Variants in NAA30 observed in about 807,000 individuals in gnomAD.
NAA30 encodes the protein N-alpha-acetyltransferase 30, NatC catalytic subunit, also known as N-alpha-acetyltransferase 30.
In NAA30, 5 loss-of-function variants were observed where a neutral mutation model predicts 31.4. That is an observed-to-expected ratio of 0.16 (90% CI 0.08 to 0.33). The LOEUF (loss-of-function observed/expected upper bound fraction) is 0.33. Ranked by LOEUF, NAA30 falls within the 10% of genes least tolerant of loss-of-function variation. NAA30 has a pLI of 1.00. For missense variants in NAA30, 428 were observed against 490.8 expected, an observed-to-expected ratio of 0.87 and a Z score of 1.21; for synonymous variants, 222 against 207.1, an observed-to-expected ratio of 1.07 and a Z score of -0.62.
intron 2 of NAA30, among the ~76,000 whole-genome samples, chr14:57,396,377 AT>A (rs375790361): frequency 2.9e-4 from 42 of 147,038 alleles, no homozygotes; most frequent in African/African-American, 7.2e-4. Flanking sequence ...CTTTATAATC[AT>A]TTTTTTTTTG....
rs2066540499 is a variant in NAA30 at position 57,414,888 on chromosome 14, A to G, written c.*5372A>G. On this transcript the variant is annotated 3_prime_UTR_variant, in exon 5 of 5. Coordinates refer to ENST00000556492, the MANE Select transcript of NAA30 (RefSeq NM_001011713.3). ...AGTGTTTAATCTCAATATGAAACAG[A>G]CCTAGAAATAACAAAGACCACTGAA... The G allele has an allele frequency of 6.6e-6, 1 of 152,212 alleles. No individual in the cohort carries two copies. Among genetic ancestry groups the G allele is most frequent in the South Asian group, 2.1e-4 (1 of 4,830 alleles). The allele number at this position is 152,212 out of a possible 1,614,324, so 9.4% of individuals were successfully genotyped here.
At chr14:57,402,239 C>A (rs2066480305) in intron 4 of NAA30, among the ~76,000 whole-genome samples, 1 of 152,154 alleles carries the variant, frequency 6.6e-6, no homozygotes, top group Admixed American at 6.5e-5. Flanking sequence ...TTTCTTGATC[C>A]TTCTGGACAG....
At position 57,414,016 on chromosome 14, in the gene NAA30, GT is replaced by G. The variant is rs2066536169; in HGVS notation, c.*4502del. ...AGCTGAATTTGTAATTTTAATCAAA[GT>G]TAGCCACATGTGGCTTGTGGCTACT... On this transcript the variant is annotated 3_prime_UTR_variant, in exon 5 of 5. Transcript: ENST00000556492. 6.6e-6 allele frequency: 1 copy of G among 152,184 alleles called. No individual in the cohort carries two copies. Among genetic ancestry groups the G allele is most frequent in the African/African-American group, 2.4e-5 (1 of 41,442 alleles). 9.4% of individuals were successfully genotyped at this position (152,184 alleles called of 1,614,324 possible). A position where few individuals can be genotyped will look rare whatever the true frequency, so the allele number is the denominator to read the frequency against.
At chr14:57,403,234 G>GGAA (rs35077944) in intron 4 of NAA30, among the ~76,000 whole-genome samples, 2 of 136,518 alleles carry the variant, frequency 1.5e-5, no homozygotes, top group East Asian at 2.1e-4. Flanking sequence ...TCCGTGGCCG[G>GGAA]AAAAAAAAAA....
intron 4 of NAA30, among the ~76,000 whole-genome samples, chr14:57,404,598 A>G (rs753990286): frequency 1.6e-4 from 25 of 152,184 alleles, no homozygotes; most frequent in Admixed American, 1.4e-3. Flanking sequence ...CCGTTTTCAC[A>G]TTGCTGATAA....
chr14:57,401,769 G>C (rs917974512), intron 4 of NAA30, among the ~76,000 whole-genome samples: 2 of 152,168 alleles, frequency 1.3e-5, no homozygotes, highest in African/African-American at 4.8e-5. Flanking sequence ...ACTGTTCAAA[G>C]GTTTGGATAG....
chr14:57,390,953 C>G lies in NAA30; in HGVS notation c.-1-4C>G. 6.8e-7 allele frequency: 1 copy of G among 1,477,188 alleles called. No individual in the cohort carries two copies. Among genetic ancestry groups the G allele is most frequent in the Non-Finnish European group, 8.9e-7 (1 of 1,119,910 alleles). 91.5% of individuals were successfully genotyped at this position (1,477,188 alleles called of 1,614,324 possible). On this transcript the variant is annotated splice_region_variant and splice_polypyrimidine_tract_variant and intron_variant, in intron 1 of 4. Coordinates refer to ENST00000556492, the MANE Select transcript of NAA30 (RefSeq NM_001011713.3). Reference sequence around the variant, plus strand: ...CCTCCCCTCTCGGTCTGTGTCGCTTCTAGGATGGCGGAGGTACCGCCTGGG... The same window carrying G: ...CCTCCCCTCTCGGTCTGTGTCGCTTGTAGGATGGCGGAGGTACCGCCTGGG...
In NAA30 at chr14:57,391,279, G is replaced by T; in HGVS notation, c.322G>T (p.Val108Leu). ...AASLKSKVLSVAEVAATTATP... is the reference protein window; with the variant it reads ...AASLKSKVLSLAEVAATTATP... The stretch of plus-strand genomic sequence containing the variant: ...CTCCCTCAAGAGCAAGGTCCTGAGC[G>T]TAGCAGAGGTGGCCGCGACCACAGC... Residue 108 changes from valine to leucine, a missense_variant, in exon 2 of 5, where the codon GTA (valine) becomes TTA (leucine). By Grantham distance (32) the Val-to-Leu change is conservative (BLOSUM62 1). Coordinates refer to ENST00000556492, the MANE Select transcript of NAA30 (RefSeq NM_001011713.3). This position sits in a 1 kb window ranked among gnomAD's most constrained non-coding sequence, Gnocchi z 4.1. The T allele has an allele frequency of 6.2e-7, 1 of 1,610,912 alleles. No individual in the cohort carries two copies. Among genetic ancestry groups the T allele is most frequent in the South Asian group, 1.1e-5 (1 of 90,906 alleles).
rs537701221 is a variant in NAA30 at position 57,406,422 on chromosome 14, G to C, written c.952-2957G>C. Among the ~76,000 whole-genome samples the C allele has an allele frequency of 2.6e-5, 4 of 152,288 alleles. No individual in the cohort carries two copies. In the South Asian group the frequency reaches 8.3e-4, roughly 32 times the overall value. On this transcript the variant is annotated intron_variant, in intron 4 of 4. Coordinates refer to ENST00000556492, the MANE Select transcript of NAA30 (RefSeq NM_001011713.3). ...TGCTTTGCTTTACTTTGGGAAATGA[G>C]GGGGAGGTACAGTAGAGTAGTTACT...
chr14:57,408,346 T>G (rs1355766816), intron 4 of NAA30, among the ~76,000 whole-genome samples: 3 of 152,122 alleles, frequency 2.0e-5, no homozygotes, highest in South Asian at 2.1e-4. Context: ...GTTGGGAAGA[T>G]GGGGTAGAGG....
rs1185449012 is a variant in NAA30 at position 57,390,967 on chromosome 14, G to T, written c.10G>T (p.Val4Leu). The T allele has an allele frequency of 5.4e-6, 8 of 1,478,678 alleles. No homozygotes were observed. Among genetic ancestry groups the T allele is most frequent in the Admixed American group, 5.2e-5 (2 of 38,392 alleles). The allele number at this position is 1,478,678 out of a possible 1,614,324, so 91.6% of individuals were successfully genotyped here. The change falls in exon 2 of 5, where the codon GTA (valine) becomes TTA (leucine). Residue 4 changes from valine to leucine, a missense_variant. Transcript: ENST00000556492. ...CTGTGTCGCTTCTAGGATGGCGGAG[G>T]TACCGCCTGGGCCTAGCAGCCTCCT... is the stretch of plus-strand genomic sequence containing the variant. The part of the protein sequence containing the change: MAE[V>L]PPGPSSLLPP...
intron 4 of NAA30, among the ~76,000 whole-genome samples, chr14:57,407,069 G>GT (rs2066501188): frequency 6.6e-6 from 1 of 151,998 alleles, no homozygotes; most frequent in East Asian, 1.9e-4. Flanking sequence ...AATTTTTAAG[G>GT]TTTTTTAGAC....
rs985730483 is a variant in NAA30, at chr14:57,393,073, G to C, written c.771+1345G>C. Among the ~76,000 whole-genome samples, 15 of 152,182 alleles carry C rather than the reference G, an allele frequency of 9.9e-5. No homozygotes were observed. The East Asian group carries it at 2.1e-3, about 21-fold the overall frequency. On this transcript the variant is annotated intron_variant, in intron 2 of 4. Coordinates refer to ENST00000556492, the MANE Select transcript of NAA30 (RefSeq NM_001011713.3). ...TATAAATGTCATATCAAATGCCACT[G>C]TAATTGCTAAAAATTGTAGATTTAG... is the stretch of plus-strand genomic sequence containing the variant.
intron 4 of NAA30, among the ~76,000 whole-genome samples, chr14:57,406,521 A>G (rs1444086921): frequency 1.1e-4 from 16 of 152,194 alleles, no homozygotes; most frequent in Non-Finnish European, 2.9e-5. Flanking sequence ...ATTCATCTGT[A>G]AAATGGATAA....
chr14:57,407,455 A>G (rs914565640), intron 4 of NAA30, among the ~76,000 whole-genome samples: 1 of 152,184 alleles, frequency 6.6e-6, no homozygotes, highest in Non-Finnish European at 1.5e-5. Flanking sequence ...GCTGGGTGAT[A>G]TAAAAGGAAA....
At chr14:57,405,738 G>C (rs1196158579) in intron 4 of NAA30, among the ~76,000 whole-genome samples, 3 of 152,226 alleles carry the variant, frequency 2.0e-5, no homozygotes, top group African/African-American at 7.2e-5. Flanking sequence ...GGAAATAGCA[G>C]TGGAAGGGCT....
chr14:57,398,836 C>T (rs1232594607), intron 3 of NAA30, among the ~76,000 whole-genome samples: 2 of 152,126 alleles, frequency 1.3e-5, no homozygotes, highest in Admixed American at 6.5e-5. Context: ...GGGGTTTCGT[C>T]ATGTTGGCCA....
Position 57,390,967 on chromosome 14 carries a change from G to C in NAA30, c.10G>C (p.Val4Leu). 1 of 1,478,678 alleles carries C rather than the reference G, an allele frequency of 6.8e-7. No individual in the cohort carries two copies. The highest frequency in any genetic ancestry group is 1.4e-5 in the South Asian group (1 of 69,984). The allele number at this position is 1,478,678 out of a possible 1,614,324, so 91.6% of individuals were successfully genotyped here. Residue 4 changes from valine (V) to leucine (L), a missense_variant, in exon 2 of 5, where the codon GTA (valine) becomes CTA (leucine). Val to Leu is a conservative substitution (Grantham distance 32). Coordinates refer to ENST00000556492, the MANE Select transcript of NAA30 (RefSeq NM_001011713.3). ...CTGTGTCGCTTCTAGGATGGCGGAG[G>C]TACCGCCTGGGCCTAGCAGCCTCCT... MAE[V>L]PPGPSSLLPP...
At chr14:57,407,618 A>G (rs556739382) in intron 4 of NAA30, among the ~76,000 whole-genome samples, 2 of 152,356 alleles carry the variant, frequency 1.3e-5, no homozygotes, top group South Asian at 2.1e-4. Flanking sequence ...AGTGTTGAGC[A>G]TGGAAAGCAA....
Sources: gnomAD v4.1 joint callset for allele counts (sites outside exome capture counted in the v4.1 genomes callset) on GRCh38, gnomAD v4.1.1 for gene constraint, Gnocchi (gnomAD v3.1) non-coding constraint, MANE v1.5 for transcripts, NCBI Gene and HGNC (gene_info 2026-07-23, HGNC 2026-07-21) for gene names.